The following CTNNA3 variants were observed in gnomAD, a reference collection of about 807,000 sequenced individuals.
CTNNA3 encodes the protein catenin alpha 3.
In CTNNA3, 76 loss-of-function variants were observed where a neutral mutation model predicts 95.7. That is an observed-to-expected ratio of 0.79 (90% CI 0.66 to 0.96). CTNNA3 has a LOEUF of 0.96. Among genes scored for constraint, CTNNA3 ranks in the 40% least tolerant of loss-of-function variants. The pLI is 0.00. For missense variants in CTNNA3, 1,191 were observed against 1,089.8 expected (o/e 1.09, Z -1.31); for synonymous variants, 431 against 374.4 (o/e 1.15, Z -1.74).
chr10:66,058,877 C>A (rs2080137820), intron 15 of CTNNA3, among the ~76,000 whole-genome samples: 1 of 152,114 alleles, frequency 6.6e-6, no homozygotes, highest in Non-Finnish European at 1.5e-5. Context: ...ATGCAGCATA[C>A]ATGCTTTCTC....
intron 13 of CTNNA3, among the ~76,000 whole-genome samples, chr10:66,142,783 G>T (rs1467752099): frequency 1.3e-5 from 2 of 152,030 alleles, no homozygotes; most frequent in South Asian, 2.1e-4. Context: ...TTTCTTCAGT[G>T]AATTCTAATG....
At chr10:66,422,542 T>A (rs2132637134) in intron 11 of CTNNA3, among the ~76,000 whole-genome samples, 1 of 152,230 alleles carries the variant, frequency 6.6e-6, no homozygotes, top group Non-Finnish European at 1.5e-5. Flanking sequence ...GAAGCTATTT[T>A]TTTTTCAAAA....
intron 7 of CTNNA3, among the ~76,000 whole-genome samples, chr10:66,934,822 G>A (rs532448543): frequency 6.3e-4 from 96 of 152,068 alleles, no homozygotes; most frequent in Admixed American, 7.2e-4. Context: ...AATTTTTGTT[G>A]ACATTTCATC....
chr10:67,564,320 A>C (rs1200861526), intron 3 of CTNNA3, among the ~76,000 whole-genome samples: 1 of 149,876 alleles, frequency 6.7e-6, no homozygotes, highest in Non-Finnish European at 1.5e-5. Flanking sequence ...GTCATAAAAA[A>C]GGATGGGTTG....
intron 5 of CTNNA3, among the ~76,000 whole-genome samples, chr10:67,341,093 G>A (rs993630941): frequency 6.6e-6 from 1 of 151,930 alleles, no homozygotes; most frequent in Non-Finnish European, 1.5e-5. Flanking sequence ...AATATTTATA[G>A]GGTACATAAG....
chr10:67,682,313 C>T (rs535655555), intron 1 of CTNNA3, among the ~76,000 whole-genome samples: 8 of 145,962 alleles, frequency 5.5e-5, no homozygotes, highest in Middle Eastern at 3.6e-3. Flanking sequence ...GGTGACAGAG[C>T]GAGACTCTAT....
chr10:66,099,149 C>T (rs1484163909), intron 14 of CTNNA3, among the ~76,000 whole-genome samples: 1 of 152,156 alleles, frequency 6.6e-6, no homozygotes, highest in Non-Finnish European at 1.5e-5. Flanking sequence ...ACTAAAAAGG[C>T]ATTTACTCTT....
chr10:67,492,893 C>T (rs759936490), intron 5 of CTNNA3, among the ~76,000 whole-genome samples: 7 of 152,004 alleles, frequency 4.6e-5, no homozygotes, highest in Non-Finnish European at 7.4e-5. Context: ...CACAAGGAGG[C>T]AAATAAGCTG....
intron 12 of CTNNA3, among the ~76,000 whole-genome samples, chr10:66,314,829 A>C (rs1485697971): frequency 6.6e-6 from 1 of 152,144 alleles, no homozygotes; most frequent in Non-Finnish European, 1.5e-5. Flanking sequence ...AGTCAGAAGA[A>C]TAAAAAACAG....
At chr10:66,805,976 G>T (rs1841624468) in intron 7 of CTNNA3, among the ~76,000 whole-genome samples, 1 of 151,944 alleles carries the variant, frequency 6.6e-6, no homozygotes, top group African/African-American at 2.4e-5. Context: ...AATTTGAATG[G>T]ATTAGATGAT....
chr10:66,098,992 G>C (rs1402428557), intron 14 of CTNNA3, among the ~76,000 whole-genome samples: 1 of 152,118 alleles, frequency 6.6e-6, no homozygotes, highest in Non-Finnish European at 1.5e-5. Flanking sequence ...ATTTGCCACT[G>C]GTGACAACAA....
At chr10:67,692,234 A>C (rs988759463) in intron 1 of CTNNA3, among the ~76,000 whole-genome samples, 9 of 149,184 alleles carry the variant, frequency 6.0e-5, no homozygotes, top group African/African-American at 9.9e-5. Context: ...CCCGTCTGGG[A>C]GGTGTACCCA....
At chr10:67,730,242 T>G (rs1172315007) in intron 1 of CTNNA3, among the ~76,000 whole-genome samples, 2 of 152,104 alleles carry the variant, frequency 1.3e-5, no homozygotes, top group East Asian at 3.8e-4. Flanking sequence ...AGATTACTTT[T>G]AACTAGATCA....
intron 14 of CTNNA3, among the ~76,000 whole-genome samples, chr10:66,074,665 A>G (rs2133618092): frequency 6.6e-6 from 1 of 151,968 alleles, no homozygotes; most frequent in South Asian, 2.1e-4. Flanking sequence ...AATTTTTAGA[A>G]CATGTTGTCA....
rs560566122 is a variant in CTNNA3, at chr10:66,651,477, TG to T, written c.1282-29694del. Among the ~76,000 whole-genome samples, 56 of 149,422 alleles carry T rather than the reference TG, an allele frequency of 3.7e-4. No individual in the cohort carries two copies. In the South Asian group the frequency reaches 4.5e-3, roughly 12 times the overall value. Reference sequence around the variant, plus strand: ...ACCAAGTGCCGCACTCCTCAGCCCTTGGGGGGTCAATGGGACTGGGCGCCGC... The same window carrying T: ...ACCAAGTGCCGCACTCCTCAGCCCTTGGGGGTCAATGGGACTGGGCGCCGC... On this transcript the variant is annotated intron_variant, in intron 9 of 17. Transcript: ENST00000433211.
chr10:66,966,505 C>G lies in CTNNA3; in HGVS notation c.1048-190981G>C, dbSNP rs528642040. On this transcript the variant is annotated intron_variant, in intron 7 of 17. Coordinates refer to ENST00000433211, the MANE Select transcript of CTNNA3 (RefSeq NM_013266.4). ...AATATATTTTTTTTTTCAGGATATACCTTTCAGATTATTCAAAGAAATAGC... is the reference window on the plus strand; with the variant it reads ...AATATATTTTTTTTTTCAGGATATAGCTTTCAGATTATTCAAAGAAATAGC... Among the ~76,000 whole-genome samples, 629 of 151,102 alleles carry G rather than the reference C, an allele frequency of 4.2e-3. 35 individuals are homozygous for G. In the East Asian group the frequency reaches 0.1, roughly 25 times the overall value.
Position 67,060,654 on chromosome 10 carries a change from C to G in CTNNA3, c.1047+119663G>C, listed in dbSNP as rs960484655. 7.9e-5 allele frequency among the ~76,000 whole-genome samples: 12 copies of G among 152,018 alleles called. No individual in the cohort carries two copies. In the South Asian group the frequency reaches 1.0e-3, roughly 13 times the overall value. On this transcript the variant is annotated intron_variant, in intron 7 of 17. Coordinates refer to ENST00000433211, the MANE Select transcript of CTNNA3 (RefSeq NM_013266.4). The stretch of plus-strand genomic sequence containing the variant: ...GCTGTTGGCAGTTTCTCTTTCTTTA[C>G]CATGGGTTCCTGTCTCTCTCTCTCT...
At chr10:66,467,117 T>C (rs1302829550) in intron 11 of CTNNA3, among the ~76,000 whole-genome samples, 2 of 152,106 alleles carry the variant, frequency 1.3e-5, no homozygotes, top group Non-Finnish European at 1.5e-5. Flanking sequence ...TTTATGTCTA[T>C]AGCATTCTTT....
At chr10:66,195,651 T>C (rs1444208478) in intron 13 of CTNNA3, among the ~76,000 whole-genome samples, 1 of 152,172 alleles carries the variant, frequency 6.6e-6, no homozygotes, top group East Asian at 1.9e-4. Context: ...GCATTTTATT[T>C]CAATCTTTCC....
Sources: allele counts gnomAD v4.1 joint callset (sites outside exome capture counted in the v4.1 genomes callset), GRCh38; gene constraint gnomAD v4.1.1; transcripts MANE v1.5; gene names NCBI Gene and HGNC (gene_info 2026-07-23, HGNC 2026-07-21).